ZNF385D: variants seen among roughly 807,000 people sequenced by gnomAD.
The protein encoded by ZNF385D is zinc finger protein 385D.
Under a neutral mutation model 35.8 loss-of-function variants are expected in ZNF385D, and 15 were observed. The ratio of observed to expected loss-of-function variants is 0.42; its 90% CI spans 0.28 to 0.64. The LOEUF (loss-of-function observed/expected upper bound fraction) is 0.64. ZNF385D is among the 30% of genes least tolerant of loss of function. ZNF385D has a pLI of 0.23. For synonymous variants in ZNF385D, 212 were observed against 186.8 expected (o/e 1.13, Z -1.10); for missense variants, 474 against 494.6 (o/e 0.96, Z 0.39).
intron 2 of ZNF385D, among the ~76,000 whole-genome samples, chr3:22,222,885 AG>A (rs1482571309): frequency 6.6e-6 from 1 of 152,140 alleles, no homozygotes; most frequent in Non-Finnish European, 1.5e-5. Flanking sequence ...GAAACTCGAA[AG>A]GCCTTTTTTG....
At chr3:22,168,900 G>C (rs995134970) in exon 3 of ZNF385D, 69 of 985,684 alleles carry the variant, frequency 7.0e-5, no homozygotes, top group Non-Finnish European at 8.1e-5. Flanking sequence ...TTGTGCTTGA[G>C]CGGCTGAATT....
At chr3:22,222,291 A>C (rs116312521) in intron 2 of ZNF385D, among the ~76,000 whole-genome samples, 3,052 of 152,148 alleles carry the variant, frequency 0.02, 60 homozygotes, top group South Asian at 0.11. Context: ...TGCTGGCCAT[A>C]AAAAACACAT....
intron 5 of ZNF385D, among the ~76,000 whole-genome samples, chr3:21,432,576 A>G (rs1288965966): frequency 1.3e-5 from 2 of 152,010 alleles, no homozygotes; most frequent in Non-Finnish European, 2.9e-5. Context: ...ACTACCTACT[A>G]GGATATTTGG....
intron 1 of ZNF385D, among the ~76,000 whole-genome samples, chr3:21,729,807 T>G (rs2125481590): frequency 6.6e-6 from 1 of 152,312 alleles, no homozygotes; most frequent in African/African-American, 2.4e-5. Flanking sequence ...ACTCAGCTCC[T>G]TGTATCTAGA....
intron 2 of ZNF385D, among the ~76,000 whole-genome samples, chr3:21,607,363 T>C (rs1217638717): frequency 6.6e-6 from 1 of 152,216 alleles, no homozygotes; most frequent in Admixed American, 6.5e-5. Context: ...TGAATCATAT[T>C]GAAATTAATA....
intron 2 of ZNF385D, among the ~76,000 whole-genome samples, chr3:21,583,006 T>A (rs1244636276): frequency 6.6e-6 from 1 of 152,100 alleles, no homozygotes; most frequent in Non-Finnish European, 1.5e-5. Context: ...TACCTCGTGA[T>A]CTGCCCTCCT....
At chr3:21,553,470 G>T (rs566456945) in intron 3 of ZNF385D, among the ~76,000 whole-genome samples, 1 of 152,238 alleles carries the variant, frequency 6.6e-6, no homozygotes, top group Admixed American at 6.5e-5. Flanking sequence ...CCTTCAGCAA[G>T]ACATAATGTT....
intron 3 of ZNF385D, among the ~76,000 whole-genome samples, chr3:22,126,306 AGTT>A (rs146727587): frequency 0.11 from 14,205 of 129,248 alleles, 1,050 homozygotes; most frequent in East Asian, 0.3. Context: ...TGTATTTGAA[AGTT>A]GTTTTTTTTT....
chr3:21,901,994 G>T (rs1269937314), intron 3 of ZNF385D, among the ~76,000 whole-genome samples: 1 of 152,104 alleles, frequency 6.6e-6, no homozygotes, highest in Admixed American at 6.6e-5. Flanking sequence ...TGTCCATTGG[G>T]TGATAAGCTA....
chr3:22,258,054 T>G (rs573374085), intron 2 of ZNF385D, among the ~76,000 whole-genome samples: 2 of 151,964 alleles, frequency 1.3e-5, no homozygotes, highest in African/African-American at 4.8e-5. Context: ...GTTAAATGTT[T>G]CCTACAGAGG....
chr3:21,622,540 C>T (rs780478899), intron 2 of ZNF385D, among the ~76,000 whole-genome samples: 49 of 152,212 alleles, frequency 3.2e-4, no homozygotes, highest in Non-Finnish European at 5.3e-4. Flanking sequence ...CCCATCAAAA[C>T]AAGATAATCA....
intron 1 of ZNF385D, among the ~76,000 whole-genome samples, chr3:21,725,891 C>T (rs1427905055): frequency 1.3e-5 from 2 of 152,088 alleles, no homozygotes; most frequent in Non-Finnish European, 2.9e-5. Context: ...AAATTTCAGG[C>T]CAATATCCCT....
intron 3 of ZNF385D, among the ~76,000 whole-genome samples, chr3:21,926,905 A>G (rs1700755966): frequency 6.6e-6 from 1 of 152,178 alleles, no homozygotes; most frequent in African/African-American, 2.4e-5. Context: ...TATCCCTCTG[A>G]CAAAGGGCTA....
At chr3:21,703,232 A>C (rs1216426281) in intron 1 of ZNF385D, among the ~76,000 whole-genome samples, 1 of 152,190 alleles carries the variant, frequency 6.6e-6, no homozygotes, top group Admixed American at 6.5e-5. Context: ...TGGTGGCAAG[A>C]GAAAAATAAG....
intron 3 of ZNF385D, among the ~76,000 whole-genome samples, chr3:21,757,120 C>CTCTTTTTTTT (rs1194556367): frequency 1.9e-5 from 2 of 106,408 alleles, no homozygotes; most frequent in Non-Finnish European, 3.6e-5. Context: ...ATAAATTTCT[C>CTCTTTTTTTT]TTTTTTTTTT....
rs139586576 is a variant in ZNF385D at position 21,760,446 on chromosome 3, CA to C, written c.326-95419del. ...TTATAAAGTATCTTCAAAAGGTAAACAAAGATTCACCTTTGTGGTAGTGAAC... is the reference window on the plus strand; with the variant it reads ...TTATAAAGTATCTTCAAAAGGTAAACAAGATTCACCTTTGTGGTAGTGAAC... On this transcript the variant is annotated intron_variant, in intron 3 of 5. Coordinates refer to the ZNF385D transcript ENST00000494108. Among the ~76,000 whole-genome samples, 738 of 152,272 alleles carry C rather than the reference CA, an allele frequency of 4.8e-3. 8 individuals are homozygous for C. The highest frequency in any genetic ancestry group is 3.5e-3 in the Non-Finnish European group (239 of 68,018).
chr3:21,964,790 C>G (rs1233859320), intron 3 of ZNF385D, among the ~76,000 whole-genome samples: 1 of 142,926 alleles, frequency 7.0e-6, no homozygotes, highest in African/African-American at 3.0e-5. Flanking sequence ...CTGCGCCCAG[C>G]CTAATTTCAC....
chr3:22,017,717 T>G (rs1386081554), intron 3 of ZNF385D, among the ~76,000 whole-genome samples: 3 of 151,976 alleles, frequency 2.0e-5, no homozygotes. Flanking sequence ...GTCCTAAATT[T>G]ATAACATATT....
intron 1 of ZNF385D, among the ~76,000 whole-genome samples, chr3:21,735,161 C>A (rs1321572892): frequency 3.3e-5 from 5 of 152,144 alleles, no homozygotes; most frequent in African/African-American, 1.2e-4. Flanking sequence ...AGCAAAGAGT[C>A]ACCTTCTTGT....
Sources: allele counts gnomAD v4.1 joint callset (sites outside exome capture counted in the v4.1 genomes callset), GRCh38; gene constraint gnomAD v4.1.1; transcripts MANE v1.5; gene names NCBI Gene and HGNC (gene_info 2026-07-23, HGNC 2026-07-21).